The following NFAM1 variants were observed in gnomAD, a reference collection of about 807,000 sequenced individuals.
NFAM1 encodes the protein NFAT activation molecule 1.
A neutral mutation model predicts 29.0 loss-of-function variants in NFAM1; 17 were observed. That is an observed-to-expected ratio of 0.59 (90% CI 0.40 to 0.88). NFAM1 has a LOEUF of 0.88. Ranked by LOEUF, NFAM1 falls within the 40% of genes least tolerant of loss-of-function variation. The pLI is 0.00. For synonymous variants in NFAM1, 175 were observed against 147.2 expected (o/e 1.19, Z -1.36); for missense variants, 324 against 344.6 (o/e 0.94, Z 0.47).
intron 3 of NFAM1, among the ~76,000 whole-genome samples, chr22:42,399,272 C>T (rs991704171): frequency 6.6e-6 from 1 of 151,830 alleles, no homozygotes; most frequent in African/African-American, 2.4e-5. Context: ...CATGGCAACA[C>T]CCCATCTCTA....
At chr22:42,428,815 G>T (rs1373623597) in intron 1 of NFAM1, among the ~76,000 whole-genome samples, 1 of 152,204 alleles carries the variant, frequency 6.6e-6, no homozygotes, top group Non-Finnish European at 1.5e-5. Context: ...GAGAGGTTAA[G>T]TAATTGCCTG....
At chr22:42,435,786 G>A (rs1323245512), upstream of NFAM1, among the ~76,000 whole-genome samples, 4 of 148,586 alleles carry the variant, frequency 2.7e-5, no homozygotes, top group Admixed American at 2.7e-4. Context: ...CCCTACCCAC[G>A]ACCACCTCCA....
Position 42,397,889 on chromosome 22 carries a change from G to C in NFAM1, c.632C>G (p.Pro211Arg). 1 of 1,613,164 alleles carries C rather than the reference G, an allele frequency of 6.2e-7. No individual in the cohort carries two copies. Among genetic ancestry groups the C allele is most frequent in the African/African-American group, 1.3e-5 (1 of 74,992 alleles). ...GACAGATTCTGAAGGATGCTGCTTG[G>C]GGCTGCTGGCAGATCTTGGATCTGG... ...KCPDPRSASS[P>R]KQHPSESVYT... is the part of the protein sequence containing the mutation. Residue 211 changes from proline to arginine, a missense_variant, in exon 4 of 6, where the codon CCC becomes CGC. Pro to Arg is a moderately radical substitution (Grantham distance 103, BLOSUM62 -2). Transcript: ENST00000329021.
chr22:42,414,988 A>G (rs1000200354), intron 1 of NFAM1, among the ~76,000 whole-genome samples: 1 of 152,164 alleles, frequency 6.6e-6, no homozygotes, highest in Non-Finnish European at 1.5e-5. Context: ...TTTGGGATTC[A>G]TTTCTTTAAG....
At position 42,382,468 on chromosome 22, in the gene NFAM1, C is replaced by T. The variant is rs1365380604; in HGVS notation, c.*2693G>A. ...ATTCAAGGGAGGCCCTGAGGCCACC[C>T]AGCCTGGGTGGGTCTCAAAAGCAAT... On this transcript the variant is annotated 3_prime_UTR_variant, in exon 6 of 6. Transcript: ENST00000329021. 6.6e-6 allele frequency: 1 copy of T among 152,078 alleles called. No individual in the cohort carries two copies. The highest frequency in any genetic ancestry group is 1.5e-5 in the Non-Finnish European group (1 of 68,016). The allele number at this position is 152,078 out of a possible 1,614,324, so 9.4% of individuals were successfully genotyped here.
upstream of NFAM1, chr22:42,437,000 A>G (rs1930955947): frequency 2.0e-6 from 2 of 984,524 alleles, no homozygotes; most frequent in African/African-American, 1.7e-5. Context: ...TACTGGACAC[A>G]TACCATGGTC....
chr22:42,435,473 G>A (rs1418336702), upstream of NFAM1, among the ~76,000 whole-genome samples: 2 of 151,306 alleles, frequency 1.3e-5, no homozygotes, highest in Admixed American at 6.6e-5. Flanking sequence ...TCAGCCTCCC[G>A]AGTAGCTGGG....
At chr22:42,385,505 G>A (rs998987730) in intron 5 of NFAM1, among the ~76,000 whole-genome samples, 5 of 151,778 alleles carry the variant, frequency 3.3e-5, no homozygotes, top group African/African-American at 7.3e-5. Flanking sequence ...TGTGGGATGC[G>A]CCTCCTCCCA....
intron 4 of NFAM1, among the ~76,000 whole-genome samples, chr22:42,387,285 C>T (rs184578801): frequency 1.6e-4 from 25 of 152,220 alleles, no homozygotes; most frequent in Non-Finnish European, 2.8e-4. Context: ...TCTCTGTTCT[C>T]GGCCACCTCC....
rs1929993785 is a variant in NFAM1, at chr22:42,409,066, G to C, written c.564+369C>G. 6.6e-6 allele frequency among the ~76,000 whole-genome samples: 1 copy of C among 152,082 alleles called. No individual in the cohort carries two copies. Among genetic ancestry groups the C allele is most frequent in the South Asian group, 2.1e-4 (1 of 4,832 alleles). ...GGGAGAGCACCTGTGTGAGTGGCTG[G>C]TAGCCCCTTCATCCCTTCCAGCCTG... On this transcript the variant is annotated intron_variant, in intron 3 of 5. Coordinates refer to ENST00000329021, the MANE Select transcript of NFAM1 (RefSeq NM_145912.8). The surrounding 1 kb of genome is among the most constrained non-coding windows in gnomAD (Gnocchi z 4.9).
chr22:42,435,931 C>T (rs1320567373), upstream of NFAM1, among the ~76,000 whole-genome samples: 1 of 151,492 alleles, frequency 6.6e-6, no homozygotes, highest in Non-Finnish European at 1.5e-5. Flanking sequence ...GTGATTCTCC[C>T]GCCTCAGCCT....
At chr22:42,421,026 G>A (rs146508603) in intron 1 of NFAM1, among the ~76,000 whole-genome samples, 30 of 152,272 alleles carry the variant, frequency 2.0e-4, no homozygotes, top group East Asian at 1.5e-3. Context: ...AGTGACCCCC[G>A]AGCCCTCTAC....
chr22:42,432,328 G>A lies in NFAM1; in HGVS notation c.30C>T (p.Ala10=), dbSNP rs1284599026. 1 of 1,577,904 alleles carries A rather than the reference G, an allele frequency of 6.3e-7. No homozygotes were observed. The highest frequency in any genetic ancestry group is 8.6e-7 in the Non-Finnish European group (1 of 1,161,908). The change falls in exon 1 of 6, where the codon GCC becomes GCT. Residue 10 remains alanine, a synonymous_variant. Coordinates refer to ENST00000329021, the MANE Select transcript of NFAM1 (RefSeq NM_145912.8). The part of the protein sequence containing the change: MENQPVRWR[A]LPGLPRPPGL... The stretch of plus-strand genomic sequence containing the variant: ...CAGGAGGGCGTGGGAGGCCTGGCAG[G>A]GCCCGCCACCTCACAGGCTGGTTCT...
intron 3 of NFAM1, among the ~76,000 whole-genome samples, chr22:42,403,389 G>A (rs1350069276): frequency 6.6e-6 from 1 of 152,158 alleles, no homozygotes; most frequent in Non-Finnish European, 1.5e-5. Context: ...CCCAGCCTCT[G>A]TACAGGGCCT....
intron 1 of NFAM1, among the ~76,000 whole-genome samples, chr22:42,414,259 G>C (rs1250096540): frequency 6.6e-6 from 1 of 152,142 alleles, no homozygotes; most frequent in African/African-American, 2.4e-5. Context: ...TCTGGTGGAC[G>C]GAGCAGGGGG....
intron 1 of NFAM1, among the ~76,000 whole-genome samples, chr22:42,427,310 C>G (rs1336173661): frequency 6.6e-6 from 1 of 152,048 alleles, no homozygotes; most frequent in Non-Finnish European, 1.5e-5. Flanking sequence ...GTCTCATTAC[C>G]CTACCAACGC....
intron 4 of NFAM1, among the ~76,000 whole-genome samples, chr22:42,396,921 A>AGGGGGTGTGCACCTG (rs1929545644): frequency 7.8e-6 from 1 of 127,788 alleles, no homozygotes; most frequent in East Asian, 2.0e-4. Flanking sequence ...CATCGCAGCC[A>AGGGGGTGTGCACCTG]GGGGGCGTGC....
At chr22:42,437,986 C>T in the NFAM1 span, 2 of 152,212 alleles carry the variant, frequency 1.3e-5, no homozygotes, top group Admixed American at 6.5e-5. Context: ...ACAGTCTCCT[C>T]GGGGGCAGCC....
In NFAM1 at chr22:42,381,137, G is replaced by C. The variant is rs1244385563; in HGVS notation, c.*4024C>G. ...AAGTCCATGGGCCCTCTGCTAGGGT[G>C]GCACCAGACTTCCCTGGTCCCACAG... On this transcript the variant is annotated 3_prime_UTR_variant, in exon 6 of 6. Coordinates refer to ENST00000329021, the MANE Select transcript of NFAM1 (RefSeq NM_145912.8). The C allele has an allele frequency of 6.5e-6, 1 of 152,696 alleles. No individual in the cohort carries two copies. The highest frequency in any genetic ancestry group is 1.5e-5 in the Non-Finnish European group (1 of 68,056). 9.5% of individuals were successfully genotyped at this position (152,696 alleles called of 1,614,324 possible). A position where few individuals can be genotyped will look rare whatever the true frequency, so the allele number is the denominator to read the frequency against.
Sources: allele counts gnomAD v4.1 joint callset (sites outside exome capture counted in the v4.1 genomes callset), GRCh38; gene constraint gnomAD v4.1.1; non-coding constraint Gnocchi (gnomAD v3.1); transcripts MANE v1.5; gene names NCBI Gene and HGNC (gene_info 2026-07-23, HGNC 2026-07-21).